Variants in P3H2 observed in about 807,000 individuals in gnomAD.
P3H2 encodes prolyl 3-hydroxylase 2.
Under a neutral mutation model 87.0 loss-of-function variants are expected in P3H2, and 80 were observed. The ratio of observed to expected loss-of-function variants is 0.92; its 90% confidence interval spans 0.77 to 1.11. P3H2 has a LOEUF of 1.11. Ranked by LOEUF, P3H2 falls within the 50% of genes least tolerant of loss-of-function variation. The probability of loss-of-function intolerance (pLI) is 0.00; values close to 1 mark genes in which losing one functional copy is unlikely to be tolerated. For missense variants in P3H2, 1,001 were observed against 923.9 expected, an observed-to-expected ratio of 1.08 and a Z score of -1.08; for synonymous variants, 367 against 359.3, an observed-to-expected ratio of 1.02 and a Z score of -0.24.
intron 1 of P3H2, among the ~76,000 whole-genome samples, chr3:190,104,182 T>G (rs1415101171): frequency 1.3e-5 from 2 of 152,172 alleles, no homozygotes; most frequent in Non-Finnish European, 2.9e-5. Context: ...ATCATCATCA[T>G]CATTCAAAGA....
chr3:189,999,720 CTG>C (rs1161356535), intron 1 of P3H2, among the ~76,000 whole-genome samples: 1 of 152,066 alleles, frequency 6.6e-6, no homozygotes, highest in Non-Finnish European at 1.5e-5. Context: ...GAAAAATAAA[CTG>C]TGAAATAAAG....
In P3H2 at chr3:190,092,089, C is replaced by A. The variant is rs113871242; in HGVS notation, c.480+28163G>T. Among the ~76,000 whole-genome samples the A allele has an allele frequency of 2.7e-3, 404 of 152,144 alleles. 3 individuals are homozygous for A. The highest frequency in any genetic ancestry group is 9.1e-3 in the African/African-American group (378 of 41,508). On this transcript the variant is annotated intron_variant, in intron 1 of 14. Coordinates refer to ENST00000319332, the MANE Select transcript of P3H2 (RefSeq NM_018192.4). ...CTCCACTAAAAATACAAAAATTACC[C>A]GGACATGGTGGTGGACACCTGTAGT...
intron 1 of P3H2, among the ~76,000 whole-genome samples, chr3:190,083,631 T>C (rs1018057379): frequency 6.6e-6 from 1 of 152,224 alleles, no homozygotes; most frequent in African/African-American, 2.4e-5. Flanking sequence ...CAGCTCTAAA[T>C]AAAAGTTCTT....
At chr3:190,000,466 A>C (rs1212568568) in intron 1 of P3H2, among the ~76,000 whole-genome samples, 1 of 152,248 alleles carries the variant, frequency 6.6e-6, no homozygotes, top group Non-Finnish European at 1.5e-5. Flanking sequence ...AATCCCAAGT[A>C]AATAAATAAG....
At chr3:190,110,788 G>T (rs1166959049) in intron 1 of P3H2, among the ~76,000 whole-genome samples, 2 of 152,266 alleles carry the variant, frequency 1.3e-5, no homozygotes, top group African/African-American at 2.4e-5. Flanking sequence ...CAAGCAAGAA[G>T]AATATGTCAA....
intron 1 of P3H2, among the ~76,000 whole-genome samples, 188 bp downstream of exon 1, chr3:190,120,064 T>C (rs1712476441): frequency 6.6e-6 from 1 of 152,240 alleles, no homozygotes; most frequent in Non-Finnish European, 1.5e-5. Flanking sequence ...GAAAAAGACT[T>C]GTCCAAGTTA....
chr3:190,026,108 T>G (rs1326634110), intron 1 of P3H2, among the ~76,000 whole-genome samples: 5 of 152,220 alleles, frequency 3.3e-5, no homozygotes, highest in African/African-American at 1.2e-4. Context: ...GCATTTCATT[T>G]TTTCAATGAA....
rs1467526239 is a variant in P3H2 at position 189,967,396 on chromosome 3, CA to C, written c.1894-3299del. On this transcript the variant is annotated intron_variant, in intron 13 of 14. Coordinates refer to ENST00000319332, the MANE Select transcript of P3H2 (RefSeq NM_018192.4). Reference sequence around the variant, plus strand: ...GTAGAATTCCAGTTAACTTGACATTCAAAAATTAATGAAACAGGCATCCCTT... The same window carrying C: ...GTAGAATTCCAGTTAACTTGACATTCAAAATTAATGAAACAGGCATCCCTT... Among the ~76,000 whole-genome samples, 4 of 148,732 alleles carry C rather than the reference CA, an allele frequency of 2.7e-5. No individual in the cohort carries two copies. In the Admixed American group the frequency reaches 2.7e-4, roughly 10 times the overall value.
chr3:190,051,798 A>G (rs1725992328), intron 1 of P3H2, among the ~76,000 whole-genome samples: 1 of 152,226 alleles, frequency 6.6e-6, no homozygotes, highest in African/African-American at 2.4e-5. Flanking sequence ...AGGGCGTTCA[A>G]AACAAAAATG....
At chr3:190,043,417 C>T (rs76939546) in intron 1 of P3H2, among the ~76,000 whole-genome samples, 5 of 152,024 alleles carry the variant, frequency 3.3e-5, no homozygotes, top group South Asian at 2.1e-4. Flanking sequence ...ATGGGTAATT[C>T]GCAACTCTCA....
rs531520946 is a variant in P3H2, at chr3:190,021,036, A to G, written c.481-25594T>C. Among the ~76,000 whole-genome samples, 3 of 134,728 alleles carry G rather than the reference A, an allele frequency of 2.2e-5. No homozygotes were observed. The Admixed American group carries it at 2.3e-4, about 10-fold the overall frequency. 88.4% of individuals were successfully genotyped at this position (134,728 alleles called of 152,430 possible). Reference sequence around the variant, plus strand: ...GTCACTTGGAAAAATCTGAGACCCCAGGACCCTAAGTAACCATCTTTGCCT... The same window carrying G: ...GTCACTTGGAAAAATCTGAGACCCCGGGACCCTAAGTAACCATCTTTGCCT... On this transcript the variant is annotated intron_variant, in intron 1 of 14. Coordinates refer to ENST00000319332, the MANE Select transcript of P3H2 (RefSeq NM_018192.4).
At chr3:190,114,328 C>T (rs1008566376) in intron 1 of P3H2, among the ~76,000 whole-genome samples, 12 of 150,748 alleles carry the variant, frequency 8.0e-5, no homozygotes, top group African/African-American at 1.5e-4. Flanking sequence ...GGACTACAGG[C>T]GCCTGCCACC....
chr3:189,981,492 A>C (rs1723533202), intron 8 of P3H2, among the ~76,000 whole-genome samples: 1 of 152,114 alleles, frequency 6.6e-6, no homozygotes, highest in South Asian at 2.1e-4. Context: ...GGTAAAAAAA[A>C]ATTTTTTTTT....
chr3:189,959,858 ATATGTGTGTGTGTGTGTGTGTGTGTGTG>A (rs71175321), intron 14 of P3H2, among the ~76,000 whole-genome samples: 28,842 of 131,122 alleles, frequency 0.22, 3,255 homozygotes, highest in Non-Finnish European at 0.28. Flanking sequence ...ACTGGAGGAG[ATATGTGTGTGTGTGTGTGTGTGTGTGTG>A]TGTGTGTGTG....
At chr3:189,987,348 A>T (rs1460941124) in intron 5 of P3H2, among the ~76,000 whole-genome samples, 179 bp downstream of exon 5, 1 of 152,012 alleles carries the variant, frequency 6.6e-6, no homozygotes, top group Non-Finnish European at 1.5e-5. Flanking sequence ...GTGTGGTGGC[A>T]TGTGCCTGTA....
intron 1 of P3H2, among the ~76,000 whole-genome samples, chr3:190,067,787 T>C (rs982015068): frequency 1.3e-5 from 2 of 152,164 alleles, no homozygotes; most frequent in Admixed American, 1.3e-4. Flanking sequence ...ACAAAAATTA[T>C]TTATCTATAT....
intron 1 of P3H2, among the ~76,000 whole-genome samples, chr3:190,010,901 T>C (rs931391104): frequency 1.3e-5 from 2 of 152,240 alleles, no homozygotes; most frequent in African/African-American, 4.8e-5. Flanking sequence ...ATGACAATGC[T>C]GGCAACTAAA....
intron 1 of P3H2, among the ~76,000 whole-genome samples, chr3:190,097,290 AAAAC>A (rs143908308): frequency 0.13 from 19,407 of 152,116 alleles, 1,319 homozygotes; most frequent in Middle Eastern, 0.2. Context: ...TACTAAAAGT[AAAAC>A]AAACAAACAA....
intron 1 of P3H2, among the ~76,000 whole-genome samples, chr3:190,088,913 G>A (rs1007333403): frequency 1.3e-5 from 2 of 152,038 alleles, no homozygotes; most frequent in Admixed American, 6.6e-5. Context: ...CCTACCTATA[G>A]CACACTTTAA....
Sources: allele counts gnomAD v4.1 joint callset (sites outside exome capture counted in the v4.1 genomes callset), GRCh38; gene constraint gnomAD v4.1.1; transcripts MANE v1.5; gene names NCBI Gene and HGNC (gene_info 2026-07-23, HGNC 2026-07-21).